KCNK1: variants seen among roughly 807,000 people sequenced by gnomAD.
KCNK1 encodes potassium two pore domain channel subfamily K member 1.
In KCNK1, 10 loss-of-function variants were observed where a neutral mutation model predicts 22.2. The ratio of observed to expected loss-of-function variants is 0.45; its 90% CI spans 0.28 to 0.76. KCNK1 has a LOEUF of 0.76. Among genes scored for constraint, KCNK1 ranks in the 30% least tolerant of loss-of-function variants. The pLI is 0.14. For missense variants in KCNK1, 378 were observed against 421.0 expected (o/e 0.90, Z 0.89); for synonymous variants, 200 against 186.4 (o/e 1.07, Z -0.60).
chr1:233,614,322 C>T lies in KCNK1; in HGVS notation c.151C>T (p.Leu51=). The change falls in exon 1 of 3, where the codon CTG becomes TTG. Residue 51 remains leucine (L), a synonymous_variant. Transcript: ENST00000366621. The part of the protein sequence containing the change: ...FSSVELPYED[L]LRQELRKLKR... ...CTCGGTGGAGCTGCCCTATGAGGAC[C>T]TGCTGCGCCAGGAGCTGCGCAAGCT... 6.2e-7 allele frequency: 1 copy of T among 1,612,248 alleles called. No homozygotes were observed. The highest frequency in any genetic ancestry group is 1.1e-5 in the South Asian group (1 of 90,572).
At chr1:233,619,608 G>A (rs1002252323) in intron 1 of KCNK1, among the ~76,000 whole-genome samples, 19 of 151,958 alleles carry the variant, frequency 1.3e-4, no homozygotes, top group Admixed American at 7.9e-4. Context: ...TACTTGTTGC[G>A]CTTTTAGAAT....
At chr1:233,647,538 A>C (rs1023732514) in intron 1 of KCNK1, among the ~76,000 whole-genome samples, 1 of 151,974 alleles carries the variant, frequency 6.6e-6, no homozygotes, top group African/African-American at 2.4e-5. Context: ...TGTCCTTGTT[A>C]CCTGCTCATC....
In KCNK1 at chr1:233,666,973, A is replaced by G. The variant is rs1658501979; in HGVS notation, c.734A>G (p.Tyr245Cys). 5 of 1,611,632 alleles carry G rather than the reference A, an allele frequency of 3.1e-6. No individual in the cohort carries two copies. Among genetic ancestry groups the G allele is most frequent in the Non-Finnish European group, 4.2e-6 (5 of 1,178,950 alleles). Residue 245 changes from tyrosine to cysteine, a missense_variant, in exon 2 of 3, where the codon TAT becomes TGT. By Grantham distance (194) the Tyr-to-Cys change is radical. Transcript: ENST00000366621. Reference protein sequence around the residue: ...EGYNQKFRELYKIGITCYLLL... With the variant: ...EGYNQKFRELCKIGITCYLLL... Reference sequence around the variant, plus strand: ...TACAATCAAAAATTCAGAGAGCTCTATAAGATTGGGATCACGTGTGAGTAT... The same window carrying G: ...TACAATCAAAAATTCAGAGAGCTCTGTAAGATTGGGATCACGTGTGAGTAT...
At chr1:233,655,842 C>G (rs906572936) in intron 1 of KCNK1, 1 of 146,706 alleles carries the variant, frequency 6.8e-6, no homozygotes, top group Admixed American at 6.8e-5. Flanking sequence ...CTGTGGTATT[C>G]TTTTGTAGCA....
chr1:233,637,750 A>G (rs764754402), intron 1 of KCNK1, among the ~76,000 whole-genome samples: 72 of 152,030 alleles, frequency 4.7e-4, no homozygotes, highest in Non-Finnish European at 8.4e-4. Flanking sequence ...CGTTTTGGGA[A>G]CCTCAGGATT....
At position 233,651,913 on chromosome 1, in the gene KCNK1, C is replaced by T. The variant is rs550550712; in HGVS notation, c.356-14682C>T. Among the ~76,000 whole-genome samples, 12 of 152,340 alleles carry T rather than the reference C, an allele frequency of 7.9e-5. No individual in the cohort carries two copies. The South Asian group carries it at 1.5e-3, about 18-fold the overall frequency. On this transcript the variant is annotated intron_variant, in intron 1 of 2. Transcript: ENST00000366621. ...TTACATTCACATGAGGTTGTATAAACCCTCTTATTCCTATTCTCATGGAAT... is the reference window on the plus strand; with the variant it reads ...TTACATTCACATGAGGTTGTATAAATCCTCTTATTCCTATTCTCATGGAAT...
chr1:233,617,434 A>G lies in KCNK1; in HGVS notation c.355+2908A>G, dbSNP rs537082706. ...GTAGGAAAGAAAAGATTTCTCACCC[A>G]TCATAAGGTTCATGGCCGGGGAACT... On this transcript the variant is annotated intron_variant, in intron 1 of 2. Transcript: ENST00000366621. Among the ~76,000 whole-genome samples, 10 of 152,368 alleles carry G rather than the reference A, an allele frequency of 6.6e-5. No individual in the cohort carries two copies. In the South Asian group the frequency reaches 8.3e-4, roughly 13 times the overall value.
intron 1 of KCNK1, among the ~76,000 whole-genome samples, chr1:233,665,526 C>T (rs1211694698): frequency 3.5e-5 from 5 of 144,712 alleles, no homozygotes; most frequent in Admixed American, 7.0e-5. Flanking sequence ...AAACATTTCA[C>T]AACAAACAAA....
chr1:233,663,652 G>A (rs1056612292), intron 1 of KCNK1, among the ~76,000 whole-genome samples: 19 of 152,118 alleles, frequency 1.2e-4, no homozygotes, highest in Middle Eastern at 3.2e-3. Flanking sequence ...AAAGGCCTTC[G>A]TGGAGTCCAA....
rs573935461 is a variant in KCNK1 at position 233,614,539 on chromosome 1, G to A, written c.355+13G>A. 1.6e-5 allele frequency: 25 copies of A among 1,550,938 alleles called. No individual in the cohort carries two copies. In the African/African-American group the frequency reaches 3.1e-4, roughly 19 times the overall value. ...CTCTCCACCACAGGTAGGGTATCCT[G>A]CGCGCCCCCTGGCCGCCCCGGCCAC... is the stretch of plus-strand genomic sequence containing the variant. On this transcript the variant is annotated intron_variant, in intron 1 of 2. Coordinates refer to ENST00000366621, the MANE Select transcript of KCNK1 (RefSeq NM_002245.4).
chr1:233,615,783 C>A (rs1657480135), intron 1 of KCNK1, among the ~76,000 whole-genome samples: 1 of 150,048 alleles, frequency 6.7e-6, no homozygotes, highest in African/African-American at 2.4e-5. Flanking sequence ...TGGGCTATAT[C>A]TTGTTGACTA....
intron 1 of KCNK1, among the ~76,000 whole-genome samples, chr1:233,649,554 C>A (rs1223141149): frequency 2.0e-5 from 3 of 152,150 alleles, no homozygotes; most frequent in Non-Finnish European, 4.4e-5. Context: ...ACATTTGTTT[C>A]TTCTGGTTCT....
chr1:233,627,219 G>A (rs1657704145), intron 1 of KCNK1, among the ~76,000 whole-genome samples: 1 of 152,054 alleles, frequency 6.6e-6, no homozygotes, highest in African/African-American at 2.4e-5. Flanking sequence ...GCTCATTATT[G>A]ATCATCTAAA....
intron 2 of KCNK1, 151 bp from the exon 3 acceptor site, chr1:233,671,120 A>G: frequency 1.4e-6 from 1 of 720,192 alleles, no homozygotes; most frequent in Non-Finnish European, 2.3e-6. Flanking sequence ...TTGAACCATG[A>G]ACTTAAAAAC....
intron 1 of KCNK1, among the ~76,000 whole-genome samples, chr1:233,637,774 A>G (rs1271079050): frequency 6.6e-6 from 1 of 152,090 alleles, no homozygotes; most frequent in East Asian, 1.9e-4. Context: ...AGCAAACCCA[A>G]TTCAATCATT....
In KCNK1 at chr1:233,614,275, T is replaced by G; in HGVS notation, c.104T>G (p.Val35Gly). ...GTGCTGGGCTACTTGCTCTACCTGGTCTTCGGCGCAGTGGTCTTCTCCTCG... is the reference window on the plus strand; with the variant it reads ...GTGCTGGGCTACTTGCTCTACCTGGGCTTCGGCGCAGTGGTCTTCTCCTCG... ...FLVLGYLLYLVFGAVVFSSVE... is the reference protein window; with the variant it reads ...FLVLGYLLYLGFGAVVFSSVE... The change falls in exon 1 of 3, where the codon GTC becomes GGC. Residue 35 changes from valine (V) to glycine (G), a missense_variant. By Grantham distance (109) the Val-to-Gly change is moderately radical. Transcript: ENST00000366621. The G allele has an allele frequency of 6.2e-7, 1 of 1,613,478 alleles. No homozygotes were observed. Among genetic ancestry groups the G allele is most frequent in the Non-Finnish European group, 8.5e-7 (1 of 1,179,906 alleles).
rs371852106 is a variant in KCNK1 at position 233,671,507 on chromosome 1, G to A, written c.988G>A (p.Val330Met). Reference sequence around the variant, plus strand: ...TGTGGCCACCCAGTCATCTGCCTGCGTGGATGGCCCTGCAAACCATTGAGC... The same window carrying A: ...TGTGGCCACCCAGTCATCTGCCTGCATGGATGGCCCTGCAAACCATTGAGC... ...PFVATQSSAC[V>M]DGPANH The change falls in exon 3 of 3, where the codon GTG (valine) becomes ATG (methionine). Residue 330 changes from valine (V) to methionine (M), a missense_variant. Val to Met is a conservative substitution (Grantham distance 21). Transcript: ENST00000366621. The A allele has an allele frequency of 4.0e-5, 64 of 1,614,006 alleles. No homozygotes were observed. Among genetic ancestry groups the A allele is most frequent in the African/African-American group, 9.3e-5 (7 of 74,922 alleles).
chr1:233,629,813 T>C (rs1351630183), intron 1 of KCNK1: 2 of 152,126 alleles, frequency 1.3e-5, no homozygotes, highest in African/African-American at 2.4e-5. Context: ...TAGGTGGACA[T>C]AAATGGAAAC....
At chr1:233,666,454 C>A in intron 1 of KCNK1, 141 bp from the exon 2 acceptor site, 1 of 675,620 alleles carries the variant, frequency 1.5e-6, no homozygotes, top group Non-Finnish European at 2.4e-6. Context: ...ATACTAGAGC[C>A]CCTAAAGTGG....
Sources: allele counts gnomAD v4.1 joint callset (sites outside exome capture counted in the v4.1 genomes callset), GRCh38; gene constraint gnomAD v4.1.1; transcripts MANE v1.5; gene names NCBI Gene and HGNC (gene_info 2026-07-23, HGNC 2026-07-21).